Variants in MOV10L1 observed in about 807,000 individuals in gnomAD.
MOV10L1 encodes RNA helicase Mov10l1.
Under a neutral mutation model 143.8 loss-of-function variants are expected in MOV10L1, and 110 were observed. That is an observed-to-expected ratio of 0.76 (90% CI 0.66 to 0.90). The LOEUF (loss-of-function observed/expected upper bound fraction) is 0.90. MOV10L1 is among the 40% of genes least tolerant of loss of function. The probability of loss-of-function intolerance (pLI) is 0.00; values close to 1 mark genes in which losing one functional copy is unlikely to be tolerated. For missense variants in MOV10L1, 1,406 were observed against 1,526.8 expected, an observed-to-expected ratio of 0.92 and a Z score of 1.32; for synonymous variants, 593 against 581.1, an observed-to-expected ratio of 1.02 and a Z score of -0.29.
chr22:50,144,195 ACAGC>A lies in MOV10L1; in HGVS notation c.2459_2462del (p.Gln820ArgfsTer7). On this transcript the variant is annotated frameshift_variant, in exon 18 of 27. Transcript: ENST00000262794. LOFTEE classifies it high-confidence loss of function. ...TGCGGCTGCACGAGAGCAAGGTGCT[ACAGC>A]CGGCCACCATGGTCCGGGTGAACGC... The A allele has an allele frequency of 6.2e-7, 1 of 1,612,208 alleles. No homozygotes were observed.
intron 5 of MOV10L1, among the ~76,000 whole-genome samples, chr22:50,112,394 A>T (rs1796415646): frequency 6.6e-6 from 1 of 152,112 alleles, no homozygotes; most frequent in Admixed American, 6.5e-5. Flanking sequence ...CTCTGACCTC[A>T]TCCCCAGGCA....
At chr22:50,120,665 T>C (rs756520297) in intron 10 of MOV10L1, 49 bp downstream of exon 10, 5 of 1,322,978 alleles carry the variant, frequency 3.8e-6, no homozygotes, top group Admixed American at 1.9e-5. Context: ...TCTAATGCTC[T>C]TGTTTTCTGA....
In MOV10L1 at chr22:50,159,792, A is replaced by G. The variant is rs753142521; in HGVS notation, c.3324+7A>G. 3.1e-6 allele frequency: 5 copies of G among 1,588,856 alleles called. No individual in the cohort carries two copies. The South Asian group carries it at 4.4e-5, about 14-fold the overall frequency. On this transcript the variant is annotated splice_region_variant and intron_variant, in intron 24 of 26. Coordinates refer to ENST00000262794, the MANE Select transcript of MOV10L1 (RefSeq NM_018995.3). The surrounding 1 kb of genome is among the most constrained non-coding windows in gnomAD (Gnocchi z 4.1). ...GGTCATCATCATTTCGACCGTAGGT[A>G]TCCCTGTTCTCCGTGGGGATGGACA...
rs576894796 is a variant in MOV10L1, at chr22:50,109,385, C to T, written c.743+541C>T. Among the ~76,000 whole-genome samples, 8 of 151,384 alleles carry T rather than the reference C, an allele frequency of 5.3e-5. No individual in the cohort carries two copies. In the South Asian group the frequency reaches 1.0e-3, roughly 20 times the overall value. ...ACAAAACATTAAAAAATTAGCCAAG[C>T]GAGGCCGGGCACGGTGGCTCACGCC... On this transcript the variant is annotated intron_variant, in intron 5 of 26. Coordinates refer to ENST00000262794, the MANE Select transcript of MOV10L1 (RefSeq NM_018995.3).
chr22:50,092,286 A>G, intron 2 of MOV10L1, 101 bp downstream of exon 2: 1 of 1,055,428 alleles, frequency 9.5e-7, no homozygotes, highest in Non-Finnish European at 1.4e-6. Flanking sequence ...GCCAAGGGAG[A>G]AAGAGTGGAA....
At chr22:50,101,899 C>G (rs966542624) in intron 3 of MOV10L1, among the ~76,000 whole-genome samples, 1 of 152,254 alleles carries the variant, frequency 6.6e-6, no homozygotes, top group African/African-American at 2.4e-5. Flanking sequence ...GCCAGAGAAA[C>G]GCTCAGTTCT....
intron 13 of MOV10L1, among the ~76,000 whole-genome samples, chr22:50,131,731 AAAAAG>A: frequency 6.9e-6 from 1 of 144,314 alleles, no homozygotes; most frequent in Non-Finnish European, 1.5e-5. Flanking sequence ...TGAAAAAAAA[AAAAAG>A]AAAATCAGTT....
At chr22:50,123,841 G>A (rs1297296318) in intron 10 of MOV10L1, among the ~76,000 whole-genome samples, 2 of 152,138 alleles carry the variant, frequency 1.3e-5, no homozygotes, top group East Asian at 1.9e-4. Flanking sequence ...GTAGTAATTG[G>A]TCTATTCAGA....
chr22:50,141,948 C>T (rs2062999846), intron 15 of MOV10L1, 133 bp from the exon 16 acceptor site: 2 of 523,794 alleles, frequency 3.8e-6, no homozygotes, highest in Non-Finnish European at 3.2e-6. Context: ...AAGGGTCTGA[C>T]CTGTGATCCA....
chr22:50,112,742 C>T (rs372817468), intron 5 of MOV10L1, among the ~76,000 whole-genome samples: 20 of 152,350 alleles, frequency 1.3e-4, no homozygotes, highest in African/African-American at 4.3e-4. Context: ...CTCCACTCAG[C>T]CCCACAGCCT....
chr22:50,145,835 C>T (rs1223087986), intron 19 of MOV10L1, 25 bp downstream of exon 19: 2 of 1,612,164 alleles, frequency 1.2e-6, no homozygotes, highest in African/African-American at 2.7e-5. Flanking sequence ...TGGAGCGCGG[C>T]ATGGGGCCTC....
intron 7 of MOV10L1, 79 bp downstream of exon 7, chr22:50,114,701 G>C: frequency 1.3e-6 from 2 of 1,563,036 alleles, no homozygotes; most frequent in South Asian, 2.4e-5. Context: ...GACAGAGGGC[G>C]GGCAGCAGGG....
intron 6 of MOV10L1, 121 bp downstream of exon 6, chr22:50,113,909 T>C: frequency 1.3e-6 from 1 of 796,988 alleles, no homozygotes. Flanking sequence ...ATGAAGATCT[T>C]TTCTTTTTTT....
Position 50,159,750 on chromosome 22 carries a change from C to A in MOV10L1, c.3289C>A (p.Gln1097Lys). The A allele has an allele frequency of 6.2e-7, 1 of 1,613,004 alleles. No individual in the cohort carries two copies. Among genetic ancestry groups the A allele is most frequent in the Non-Finnish European group, 8.5e-7 (1 of 1,179,324 alleles). ...AAAGGTTGGATCAGTAGAGGAGTTT[C>A]AAGGACAAGAGTATCTGGTCATCAT... ...DIKVGSVEEF[Q>K]GQEYLVIIIS... Residue 1097 changes from glutamine to lysine, a missense_variant, in exon 24 of 27, where the codon CAA (glutamine) becomes AAA (lysine). Physicochemically the swap from Gln to Lys is moderately conservative, Grantham distance 53. Around this residue, in one of 3 missense-constraint regions of MOV10L1, gnomAD observed 1,233 missense variants for 1,351.4 expected, o/e 0.91. Transcript: ENST00000262794. The surrounding 1 kb of genome is among the most constrained non-coding windows in gnomAD (Gnocchi z 4.1).
At chr22:50,124,189 C>T (rs1401766109) in intron 10 of MOV10L1, among the ~76,000 whole-genome samples, 1 of 152,096 alleles carries the variant, frequency 6.6e-6, no homozygotes, top group Non-Finnish European at 1.5e-5. Flanking sequence ...AGTTTGTTCT[C>T]CTTTGTCTAA....
At chr22:50,122,469 A>G (rs2062374256) in intron 10 of MOV10L1, among the ~76,000 whole-genome samples, 1 of 152,238 alleles carries the variant, frequency 6.6e-6, no homozygotes, top group South Asian at 2.1e-4. Flanking sequence ...TTTTCTACAT[A>G]TAAAATTATG....
chr22:50,144,743 G>A (rs533794792), intron 18 of MOV10L1, among the ~76,000 whole-genome samples: 185 of 151,756 alleles, frequency 1.2e-3, no homozygotes, highest in Admixed American at 9.4e-3. Flanking sequence ...CACTGCGCCC[G>A]GCTAATTTTT....
intron 19 of MOV10L1, among the ~76,000 whole-genome samples, 178 bp downstream of exon 19, chr22:50,145,988 G>A (rs1274473166): frequency 2.0e-5 from 3 of 152,196 alleles, no homozygotes; most frequent in South Asian, 2.1e-4. Flanking sequence ...TGGGGAAGCC[G>A]AGACCCCAAG....
chr22:50,096,842 T>C (rs927025117), intron 2 of MOV10L1, among the ~76,000 whole-genome samples: 2 of 152,168 alleles, frequency 1.3e-5, no homozygotes, highest in Non-Finnish European at 1.5e-5. Flanking sequence ...TTTCTTGTAG[T>C]AGGAATTCTT....
Sources: allele counts gnomAD v4.1 joint callset (sites outside exome capture counted in the v4.1 genomes callset), GRCh38; gene constraint gnomAD v4.1.1; regional missense constraint gnomAD v4.1.1; non-coding constraint Gnocchi (gnomAD v3.1); transcripts MANE v1.5; gene names NCBI Gene and HGNC (gene_info 2026-07-23, HGNC 2026-07-21).